PPP2R2B: variants seen among roughly 807,000 people sequenced by gnomAD.
PPP2R2B encodes protein phosphatase 2 regulatory subunit Bbeta.
A neutral mutation model predicts 46.0 loss-of-function variants in PPP2R2B; 5 were observed. That is an observed-to-expected ratio of 0.11 (90% CI 0.06 to 0.23). The LOEUF (loss-of-function observed/expected upper bound fraction) is 0.23. PPP2R2B is among the 10% of genes least tolerant of loss of function. The pLI is 1.00. For missense variants in PPP2R2B, 367 were observed against 575.0 expected (o/e 0.64, Z 3.70); for synonymous variants, 215 against 206.7 (o/e 1.04, Z -0.34).
Position 146,936,345 on chromosome 5 carries a change from A to G in PPP2R2B, c.79+119320T>C, listed in dbSNP as rs150357041. On this transcript the variant is annotated intron_variant, in intron 1 of 8. Transcript: ENST00000336640. ...TCATGCTGCCTAAGAAGATGCCTAAATGATCATCCCACTCCCCCTCTGAGT... is the reference window on the plus strand; with the variant it reads ...TCATGCTGCCTAAGAAGATGCCTAAGTGATCATCCCACTCCCCCTCTGAGT... 1.2e-4 allele frequency among the ~76,000 whole-genome samples: 18 copies of G among 152,210 alleles called. No homozygotes were observed. The East Asian group carries it at 3.1e-3, about 26-fold the overall frequency.
rs60522229 is a variant in PPP2R2B at position 147,051,753 on chromosome 5, C to CTTT, written c.79+3909_79+3911dup. Among the ~76,000 whole-genome samples, 40 of 92,376 alleles carry CTTT rather than the reference C, an allele frequency of 4.3e-4. 6 individuals are homozygous for CTTT. The highest frequency in any genetic ancestry group is 1.1e-3 in the African/African-American group (24 of 21,716). The allele number at this position is 92,376 out of a possible 152,430, so 60.6% of individuals were successfully genotyped here. On this transcript the variant is annotated intron_variant, in intron 1 of 8. Transcript: ENST00000336640. ...GACTCTCTCATTTCTGTTTTGCTTC[C>CTTT]TTTTTTTTTTTTTTTTTTTTTTTTT... is the stretch of plus-strand genomic sequence containing the variant.
At chr5:147,037,787 G>C (rs1385898921) in intron 1 of PPP2R2B, among the ~76,000 whole-genome samples, 3 of 152,068 alleles carry the variant, frequency 2.0e-5, no homozygotes, top group Non-Finnish European at 2.9e-5. Context: ...CTAGGTTCTA[G>C]TCTTCAGATT....
At chr5:146,708,489 T>A (rs2151178233) in intron 2 of PPP2R2B, among the ~76,000 whole-genome samples, 1 of 152,122 alleles carries the variant, frequency 6.6e-6, no homozygotes, top group Middle Eastern at 3.4e-3. Context: ...GACAAATGCA[T>A]AGAGATATGT....
At chr5:146,875,994 G>A (rs766138534) in intron 2 of PPP2R2B, among the ~76,000 whole-genome samples, 3 of 152,162 alleles carry the variant, frequency 2.0e-5, no homozygotes, top group Non-Finnish European at 4.4e-5. Flanking sequence ...CATCGTTTAA[G>A]TTCTATTTTC....
intron 7 of PPP2R2B, among the ~76,000 whole-genome samples, chr5:146,616,023 C>G (rs1023491781): frequency 6.6e-6 from 1 of 152,158 alleles, no homozygotes; most frequent in Non-Finnish European, 1.5e-5. Flanking sequence ...CAGCATGGTA[C>G]TGGCATAAAA....
At chr5:146,734,700 C>A (rs962425076) in intron 2 of PPP2R2B, among the ~76,000 whole-genome samples, 1 of 152,122 alleles carries the variant, frequency 6.6e-6, no homozygotes, top group East Asian at 1.9e-4. Flanking sequence ...AAACTGAGAC[C>A]CTCTGCTGTC....
At chr5:146,631,406 T>C (rs371688949) in intron 7 of PPP2R2B, among the ~76,000 whole-genome samples, 252 of 152,348 alleles carry the variant, frequency 1.7e-3, no homozygotes, top group African/African-American at 5.5e-3. Flanking sequence ...GCTGCATTCA[T>C]GGTGAGATTA....
intron 1 of PPP2R2B, among the ~76,000 whole-genome samples, chr5:146,941,516 G>A (rs1764322993): frequency 6.6e-6 from 1 of 152,148 alleles, no homozygotes. Context: ...GTTGCTTAGG[G>A]GTGTGTTCAG....
In PPP2R2B at chr5:146,785,159, C is replaced by T. The variant is rs554015914; in HGVS notation, c.71-84017G>A. ...TAGTGGTTACAAAAGAGAATATAAA[C>T]ACAATCAACCCTGATGATATAAAAG... On this transcript the variant is annotated intron_variant, in intron 2 of 9. Transcript: ENST00000394411. Among the ~76,000 whole-genome samples, 4 of 152,256 alleles carry T rather than the reference C, an allele frequency of 2.6e-5. No individual in the cohort carries two copies. In the South Asian group the frequency reaches 8.3e-4, roughly 32 times the overall value.
At chr5:146,815,346 G>A (rs1361322924) in intron 2 of PPP2R2B, among the ~76,000 whole-genome samples, 1 of 152,210 alleles carries the variant, frequency 6.6e-6, no homozygotes, top group Non-Finnish European at 1.5e-5. Flanking sequence ...CAACACTCCT[G>A]CACACACTTT....
chr5:146,608,928 C>A (rs1772570219), intron 7 of PPP2R2B, among the ~76,000 whole-genome samples: 1 of 152,184 alleles, frequency 6.6e-6, no homozygotes, highest in Non-Finnish European at 1.5e-5. Context: ...CAAACTCCTT[C>A]TATGAGGCCA....
chr5:146,617,455 A>G (rs936406843), intron 7 of PPP2R2B, among the ~76,000 whole-genome samples: 1 of 152,206 alleles, frequency 6.6e-6, no homozygotes, highest in Non-Finnish European at 1.5e-5. Flanking sequence ...GTGTGAATCA[A>G]AATATCTCAT....
At chr5:147,081,494 T>G (rs1757966022), upstream of PPP2R2B, 1 of 591,186 alleles carries the variant, frequency 1.7e-6, no homozygotes, top group Middle Eastern at 4.4e-4. Context: ...GGAATACTAA[T>G]GCTTTTGATT....
At chr5:146,732,173 G>A (rs549614386) in intron 2 of PPP2R2B, among the ~76,000 whole-genome samples, 13 of 152,262 alleles carry the variant, frequency 8.5e-5, no homozygotes, top group African/African-American at 2.9e-4. Context: ...CTAACTTACG[G>A]TGAAAGGTCA....
chr5:146,673,559 T>C, intron 5 of PPP2R2B, among the ~76,000 whole-genome samples: 1 of 152,106 alleles, frequency 6.6e-6, no homozygotes, highest in Non-Finnish European at 1.5e-5. Flanking sequence ...TGAGGGGAAA[T>C]GCATGGCCCA....
chr5:146,954,128 C>CTT (rs3062371), intron 1 of PPP2R2B, among the ~76,000 whole-genome samples: 25 of 144,042 alleles, frequency 1.7e-4, no homozygotes, highest in East Asian at 1.6e-3. Context: ...TACCAAGAGA[C>CTT]TTTTTTTTTT....
chr5:146,639,749 A>G (rs1775071734), intron 6 of PPP2R2B, among the ~76,000 whole-genome samples: 1 of 152,224 alleles, frequency 6.6e-6, no homozygotes, highest in African/African-American at 2.4e-5. Context: ...TTTCAGATCA[A>G]CTTTAAATTG....
chr5:147,071,309 A>G (rs1757588625), intron 2 of PPP2R2B, among the ~76,000 whole-genome samples: 1 of 152,150 alleles, frequency 6.6e-6, no homozygotes, highest in Non-Finnish European at 1.5e-5. Flanking sequence ...AAACTGGATT[A>G]TTGCAATAAC....
chr5:146,595,782 G>A (rs747671392), intron 8 of PPP2R2B, among the ~76,000 whole-genome samples: 12 of 152,230 alleles, frequency 7.9e-5, no homozygotes, highest in Admixed American at 7.8e-4. Context: ...TGGAGCAAGA[G>A]AGAACTTAAA....
Sources: allele counts gnomAD v4.1 joint callset (sites outside exome capture counted in the v4.1 genomes callset), GRCh38; gene constraint gnomAD v4.1.1; transcripts MANE v1.5; gene names NCBI Gene and HGNC (gene_info 2026-07-23, HGNC 2026-07-21).